Variants in ZNF821 observed in about 807,000 individuals in gnomAD.
The protein encoded by ZNF821 is zinc finger protein 821.
Under a neutral mutation model 44.3 loss-of-function variants are expected in ZNF821, and 16 were observed. That is an observed-to-expected ratio of 0.36 (90% CI 0.24 to 0.55). The LOEUF is 0.55. ZNF821 is among the 20% of genes least tolerant of loss of function. ZNF821 has a pLI of 0.86. For synonymous variants in ZNF821, 204 were observed against 197.6 expected (o/e 1.03, Z -0.27); for missense variants, 436 against 547.6 (o/e 0.80, Z 2.03).
chr16:71,863,577 T>C (rs1208187310), intron 6 of ZNF821, among the ~76,000 whole-genome samples: 2 of 152,040 alleles, frequency 1.3e-5, no homozygotes, highest in Non-Finnish European at 2.9e-5. Flanking sequence ...TTTGTAGGGC[T>C]GGGGTCTTGC....
exon 1 of ZNF821, chr16:71,894,927 G>C: frequency 1.8e-6 from 2 of 1,089,420 alleles, no homozygotes; most frequent in Non-Finnish European, 2.7e-6. Flanking sequence ...CTGTGGTGCT[G>C]AGGAAACACT....
chr16:71,888,338 C>T (rs985384888), upstream of ZNF821, among the ~76,000 whole-genome samples: 30 of 152,110 alleles, frequency 2.0e-4, no homozygotes, highest in African/African-American at 6.0e-4. Context: ...GCCATGTCTA[C>T]GAAACTATCA....
At chr16:71,895,058 C>A (rs2036933817) in exon 1 of ZNF821, 1 of 460,014 alleles carries the variant, frequency 2.2e-6, no homozygotes, top group Admixed American at 3.9e-5. Flanking sequence ...GGTGAAGAGT[C>A]AGGGATACGC....
intron 6 of ZNF821, among the ~76,000 whole-genome samples, chr16:71,862,635 A>C (rs2142350108): frequency 6.6e-6 from 1 of 152,352 alleles, no homozygotes; most frequent in South Asian, 2.1e-4. Flanking sequence ...CAAATCTAGA[A>C]GCTGGCCTGG....
intron 1 of ZNF821, chr16:71,894,169 C>T (rs1233567749): frequency 2.6e-5 from 4 of 152,222 alleles, no homozygotes; most frequent in African/African-American, 9.6e-5. Context: ...TAAGGGCTAG[C>T]TCCTACTTGT....
rs1392020547 is a variant in ZNF821 at position 71,860,244 on chromosome 16, T to C, written c.1013A>G (p.Lys338Arg). 14 of 1,614,152 alleles carry C rather than the reference T, an allele frequency of 8.7e-6. No individual in the cohort carries two copies. The highest frequency in any genetic ancestry group is 1.2e-5 in the Non-Finnish European group (14 of 1,180,032). The change falls in exon 8 of 8, where the codon AAG becomes AGG. Residue 338 changes from lysine (K) to arginine (R), a missense_variant. By Grantham distance (26) the Lys-to-Arg change is conservative (BLOSUM62 2). Coordinates refer to ENST00000425432, the MANE Select transcript of ZNF821 (RefSeq NM_001201552.2). This position sits in a 1 kb window ranked among gnomAD's most constrained non-coding sequence, Gnocchi z 7.3. ...CTCTCGGATGAGCCGGGCCTGCCGC[T>C]TTTCCGGGGTTTCATTGGCCCGCTT... ...RLKRANETPE[K>R]RQARLIRERE...
At chr16:71,895,106 A>T (rs1319360492) in exon 1 of ZNF821, 3 of 357,834 alleles carry the variant, frequency 8.4e-6, no homozygotes, top group Non-Finnish European at 1.6e-5. Flanking sequence ...ACCCAGGGGG[A>T]AAGTCCAGCG....
Position 71,859,951 on chromosome 16 carries a change from C to A in ZNF821, c.*67G>T. 2 of 1,464,816 alleles carry A rather than the reference C, an allele frequency of 1.4e-6. No individual in the cohort carries two copies. 90.7% of individuals were successfully genotyped at this position (1,464,816 alleles called of 1,614,324 possible). On this transcript the variant is annotated 3_prime_UTR_variant, in exon 8 of 8. Coordinates refer to ENST00000425432, the MANE Select transcript of ZNF821 (RefSeq NM_001201552.2). ...CCTCGTGGGTGGCAGCAGCACTGGT[C>A]CTCGTGGCTGTGGGTGTGGGTGGGT...
At chr16:71,889,616 G>A (rs539422861), upstream of ZNF821, among the ~76,000 whole-genome samples, 1 of 152,256 alleles carries the variant, frequency 6.6e-6, no homozygotes, top group East Asian at 1.9e-4. Context: ...GGAGGTTGCA[G>A]TGATCCAAGA....
chr16:71,865,298 T>C (rs2034411686), intron 4 of ZNF821, among the ~76,000 whole-genome samples: 1 of 152,200 alleles, frequency 6.6e-6, no homozygotes, highest in Non-Finnish European at 1.5e-5. Context: ...GCCCTCTACA[T>C]GATTATAAAA....
chr16:71,879,859 C>G (rs777664313), intron 3 of ZNF821, 48 bp downstream of exon 3: 1 of 1,583,762 alleles, frequency 6.3e-7, no homozygotes, highest in South Asian at 1.1e-5. Context: ...CTCTTCCATT[C>G]CACCCCTTAG....
intron 1 of ZNF821, 130 bp downstream of exon 1, chr16:71,883,778 C>A (rs916911886): frequency 6.6e-6 from 1 of 152,656 alleles, no homozygotes; most frequent in African/African-American, 2.4e-5. Flanking sequence ...CGGGCTGCCC[C>A]CCTAGGCCGG....
chr16:71,893,135 CT>C (rs749135243), intron 1 of ZNF821, among the ~76,000 whole-genome samples: 6 of 148,738 alleles, frequency 4.0e-5, no homozygotes, highest in Non-Finnish European at 7.4e-5. Flanking sequence ...CGCCATTCTC[CT>C]GCCTCAGCCT....
chr16:71,887,678 G>A (rs2036866591), upstream of ZNF821, among the ~76,000 whole-genome samples: 1 of 152,092 alleles, frequency 6.6e-6, no homozygotes, highest in Admixed American at 6.5e-5. Context: ...GTCAACATTT[G>A]TTATTGTTTG....
In ZNF821 at chr16:71,864,959, T is replaced by G. The variant is rs1310508623; in HGVS notation, c.256A>C (p.Lys86Gln). ...EEDGGVVKVE[K>Q]ELENTEQPVG... Reference sequence around the variant, plus strand: ...GGCTGTTCTGTATTTTCTAACTCTTTCTCCACTTTGACCACCCCTCCATCT... The same window carrying G: ...GGCTGTTCTGTATTTTCTAACTCTTGCTCCACTTTGACCACCCCTCCATCT... Residue 86 changes from lysine to glutamine, a missense_variant, in exon 5 of 8, where the codon AAA (lysine) becomes CAA (glutamine). Transcript: ENST00000425432. 1.2e-6 allele frequency: 2 copies of G among 1,614,106 alleles called. No individual in the cohort carries two copies. Among genetic ancestry groups the G allele is most frequent in the Admixed American group, 3.3e-5 (2 of 60,006 alleles).
chr16:71,865,026 C>G lies in ZNF821; in HGVS notation c.189G>C (p.Glu63Asp). 2.5e-6 allele frequency: 4 copies of G among 1,614,184 alleles called. No homozygotes were observed. Among genetic ancestry groups the G allele is most frequent in the Non-Finnish European group, 3.4e-6 (4 of 1,180,038 alleles). Residue 63 changes from glutamate (E) to aspartate (D), a missense_variant, in exon 5 of 8, where the codon GAG (glutamate) becomes GAC (aspartate). This residue lies in a region of ZNF821 where 238 missense variants were observed against 281.4 expected (regional missense o/e 0.85). Transcript: ENST00000425432. ...SSSSDSEGDE[E>D]ETTQDEVSSH... ...AAGAGACTTCATCTTGTGTCGTCTC[C>G]TCTTCATCACCCTCACTGTCACCTG... is the stretch of plus-strand genomic sequence containing the variant.
chr16:71,859,982 G>A lies in ZNF821; in HGVS notation c.*36C>T. The A allele has an allele frequency of 6.6e-7, 1 of 1,522,120 alleles. No individual in the cohort carries two copies. Among genetic ancestry groups the A allele is most frequent in the Non-Finnish European group, 8.8e-7 (1 of 1,138,342 alleles). The allele number at this position is 1,522,120 out of a possible 1,614,324, so 94.3% of individuals were successfully genotyped here. On this transcript the variant is annotated 3_prime_UTR_variant, in exon 8 of 8. Transcript: ENST00000425432. ...GGCTGTGGGTGTGGGTGGGTGGGTA[G>A]GTAGGTGGGAAGGAGGGCAGGCAGG...
intron 4 of ZNF821, 136 bp downstream of exon 4, chr16:71,867,776 T>A (rs754774248): frequency 4.1e-6 from 5 of 1,222,458 alleles, no homozygotes; most frequent in Non-Finnish European, 5.5e-6. Context: ...TAGACCACCT[T>A]TGGGGACACT....
chr16:71,861,714 G>A, intron 7 of ZNF821, 62 bp downstream of exon 7: 1 of 1,597,846 alleles, frequency 6.3e-7, no homozygotes, highest in Non-Finnish European at 8.6e-7. Flanking sequence ...TTTGACTTCA[G>A]AAAGCAGAAC....
Sources: gnomAD v4.1 joint callset for allele counts (sites outside exome capture counted in the v4.1 genomes callset) on GRCh38, gnomAD v4.1.1 for gene constraint, gnomAD v4.1.1 regional missense constraint, Gnocchi (gnomAD v3.1) non-coding constraint, MANE v1.5 for transcripts, NCBI Gene and HGNC (gene_info 2026-07-23, HGNC 2026-07-21) for gene names.